SHISA9: variants seen among roughly 807,000 people sequenced by gnomAD.
SHISA9 encodes shisa family member 9.
In SHISA9, 13 loss-of-function variants were observed where a neutral mutation model predicts 38.0. That is an observed-to-expected ratio of 0.34 (90% CI 0.22 to 0.54). SHISA9 has a LOEUF of 0.54. Ranked by LOEUF, SHISA9 falls within the 20% of genes least tolerant of loss-of-function variation. The pLI, the probability that SHISA9 is intolerant of heterozygous loss-of-function variation, is 0.91. For missense variants in SHISA9, 538 were observed against 575.8 expected (o/e 0.93, Z 0.67); for synonymous variants, 275 against 242.0 (o/e 1.14, Z -1.27).
At chr16:13,205,853 C>T (rs1035665085) in intron 3 of SHISA9, among the ~76,000 whole-genome samples, 13 of 152,028 alleles carry the variant, frequency 8.6e-5, no homozygotes, top group African/African-American at 2.7e-4. Flanking sequence ...CATCCGTCTC[C>T]GGAGTTCAAG....
the SHISA9 span, among the ~76,000 whole-genome samples, chr16:13,306,890 C>T: frequency 6.6e-6 from 1 of 152,154 alleles, no homozygotes; most frequent in Non-Finnish European, 1.5e-5. Flanking sequence ...TGTATATATA[C>T]ACATTATGTA....
At chr16:13,358,731 C>T in the SHISA9 span, among the ~76,000 whole-genome samples, 2 of 152,138 alleles carry the variant, frequency 1.3e-5, no homozygotes, top group African/African-American at 2.4e-5. Context: ...TATACCTGAC[C>T]AACATAAGAC....
At chr16:12,952,524 C>A (rs1596546684) in intron 2 of SHISA9, among the ~76,000 whole-genome samples, 1 of 152,186 alleles carries the variant, frequency 6.6e-6, no homozygotes. Context: ...GTGTCCCCAT[C>A]CAAATCTCAT....
the SHISA9 span, among the ~76,000 whole-genome samples, chr16:13,392,222 T>C: frequency 6.6e-6 from 1 of 152,186 alleles, no homozygotes; most frequent in Non-Finnish European, 1.5e-5. Context: ...CCTTAGAATG[T>C]GATTGTTTTG....
the SHISA9 span, among the ~76,000 whole-genome samples, chr16:13,290,237 A>G: frequency 6.6e-6 from 1 of 152,182 alleles, no homozygotes; most frequent in African/African-American, 2.4e-5. Context: ...ATGAAAGGGC[A>G]AACATTTTCA....
the SHISA9 span, among the ~76,000 whole-genome samples, chr16:13,435,332 C>T: frequency 2.0e-5 from 3 of 152,110 alleles, no homozygotes; most frequent in East Asian, 1.9e-4. Flanking sequence ...CACAAGGAAT[C>T]TGAAATGTGG....
intron 2 of SHISA9, among the ~76,000 whole-genome samples, chr16:12,917,809 A>G (rs1307038346): frequency 6.6e-6 from 1 of 152,198 alleles, no homozygotes; most frequent in African/African-American, 2.4e-5. Flanking sequence ...ACATTTTTAC[A>G]GACTGGGTCG....
chr16:13,504,404 C>T, the SHISA9 span, among the ~76,000 whole-genome samples: 43 of 152,278 alleles, frequency 2.8e-4, no homozygotes, highest in African/African-American at 9.4e-4. Flanking sequence ...AGTGGCCTCA[C>T]TTGGAAAACA....
chr16:13,482,655 G>T, the SHISA9 span, among the ~76,000 whole-genome samples: 2 of 152,090 alleles, frequency 1.3e-5, no homozygotes, highest in Non-Finnish European at 2.9e-5. Flanking sequence ...AAAAAATTTA[G>T]CTTGGCGTGG....
At chr16:13,473,627 TC>T in the SHISA9 span, among the ~76,000 whole-genome samples, 2 of 152,270 alleles carry the variant, frequency 1.3e-5, no homozygotes, top group African/African-American at 4.8e-5. Flanking sequence ...CTGTCAACTG[TC>T]TAATGCAGTC....
chr16:13,012,073 A>C (rs2072684202), intron 2 of SHISA9, among the ~76,000 whole-genome samples: 3 of 144,790 alleles, frequency 2.1e-5, no homozygotes. Flanking sequence ...TGATCCACCC[A>C]CCTCGGCCTC....
At position 13,203,467 on chromosome 16, in the gene SHISA9, G is replaced by A. The variant is rs368074640; in HGVS notation, c.765G>A (p.Pro255=). 7.5e-5 allele frequency: 116 copies of A among 1,551,084 alleles called. 1 individual carries two copies. The highest frequency in any genetic ancestry group is 8.8e-5 in the Non-Finnish European group (101 of 1,146,686). Residue 255 remains proline (P), a synonymous_variant, in exon 3 of 5, where the codon CCG becomes CCA. Coordinates refer to ENST00000558583, the MANE Select transcript of SHISA9 (RefSeq NM_001145204.3). ...LQQMGHPHSY[P]NLGQISNPYE... ...AGATGGGCCATCCACATTCGTACCC[G>A]AACCTGGGCCAGATCTCCAACCCCT...
chr16:13,257,868 T>C, the SHISA9 span, among the ~76,000 whole-genome samples: 5 of 94,542 alleles, frequency 5.3e-5, no homozygotes, highest in African/African-American at 1.6e-4. Context: ...AAATACTTTA[T>C]TTTTTTTGGT....
At chr16:13,511,802 A>T in the SHISA9 span, among the ~76,000 whole-genome samples, 76 of 152,262 alleles carry the variant, frequency 5.0e-4, 1 homozygote, top group Non-Finnish European at 7.2e-4. Context: ...GGGCAGAGAG[A>T]GAGAGAGAAA....
chr16:13,268,883 T>C, the SHISA9 span, among the ~76,000 whole-genome samples: 1 of 152,174 alleles, frequency 6.6e-6, no homozygotes, highest in Non-Finnish European at 1.5e-5. Context: ...ATGATACCAG[T>C]TATACCCACT....
At chr16:13,312,218 A>G in the SHISA9 span, among the ~76,000 whole-genome samples, 2 of 152,214 alleles carry the variant, frequency 1.3e-5, no homozygotes, top group Non-Finnish European at 2.9e-5. Flanking sequence ...GAAAGCAGGC[A>G]TGGAAAATTT....
chr16:13,559,972 T>C, the SHISA9 span, among the ~76,000 whole-genome samples: 1 of 152,192 alleles, frequency 6.6e-6, no homozygotes, highest in Non-Finnish European at 1.5e-5. Context: ...AGAGGAACTC[T>C]GTTTATCAGT....
In SHISA9 at chr16:13,237,938, G is replaced by A. The variant is rs1277977013; in HGVS notation, c.*2529G>A. 6.6e-6 allele frequency: 1 copy of A among 152,004 alleles called. No homozygotes were observed. The highest frequency in any genetic ancestry group is 1.9e-4 in the East Asian group (1 of 5,176). 9.4% of individuals were successfully genotyped at this position (152,004 alleles called of 1,614,324 possible). On this transcript the variant is annotated 3_prime_UTR_variant, in exon 5 of 5. Transcript: ENST00000558583. ...TGTATCTAAATTGATTCATTTTAATGCATTTTGTTTTTAAAATGAAAACTT... is the reference window on the plus strand; with the variant it reads ...TGTATCTAAATTGATTCATTTTAATACATTTTGTTTTTAAAATGAAAACTT...
At chr16:13,088,302 C>T (rs2073736109) in intron 2 of SHISA9, among the ~76,000 whole-genome samples, 1 of 152,178 alleles carries the variant, frequency 6.6e-6, no homozygotes, top group Admixed American at 6.6e-5. Flanking sequence ...CTTGGGAATG[C>T]AGGCTCTTTT....
Sources: gnomAD v4.1 joint callset for allele counts (sites outside exome capture counted in the v4.1 genomes callset) on GRCh38, gnomAD v4.1.1 for gene constraint, MANE v1.5 for transcripts, NCBI Gene and HGNC (gene_info 2026-07-23, HGNC 2026-07-21) for gene names.